Variants in ARHGAP31 observed in about 807,000 individuals in gnomAD.
ARHGAP31 encodes rho GTPase-activating protein 31.
In ARHGAP31, 34 loss-of-function variants were observed where a neutral mutation model predicts 113.9. That is an observed-to-expected ratio of 0.30 (90% CI 0.23 to 0.40). The LOEUF is 0.40. Ranked by LOEUF, ARHGAP31 falls within the 10% of genes least tolerant of loss-of-function variation. The pLI, the probability that ARHGAP31 is intolerant of heterozygous loss-of-function variation, is 1.00. For synonymous variants in ARHGAP31, 650 were observed against 684.8 expected, an observed-to-expected ratio of 0.95 and a Z score of 0.79; for missense variants, 1,548 against 1,767.1, an observed-to-expected ratio of 0.88 and a Z score of 2.22.
chr3:119,305,532 G>A (rs7623525), intron 1 of ARHGAP31, among the ~76,000 whole-genome samples: 46,031 of 151,968 alleles, frequency 0.3, 7,957 homozygotes, highest in African/African-American at 0.47. Context: ...GCATATTTTT[G>A]TTCCTCTTTC....
chr3:119,306,608 C>T (rs936441823), intron 1 of ARHGAP31, among the ~76,000 whole-genome samples: 7 of 152,078 alleles, frequency 4.6e-5, no homozygotes, highest in African/African-American at 9.7e-5. Flanking sequence ...ATGTCTGGGT[C>T]GATGGAGAAC....
In ARHGAP31 at chr3:119,337,353, C is replaced by T. The variant is rs78045014; in HGVS notation, c.101-27963C>T. Among the ~76,000 whole-genome samples, 725 of 152,160 alleles carry T rather than the reference C, an allele frequency of 4.8e-3. 9 individuals are homozygous for T. Among genetic ancestry groups the T allele is most frequent in the African/African-American group, 0.016 (661 of 41,526 alleles). ...CGCGTCCAGAGTTGTTCTTTCCTCC[C>T]GGTGGCTTCATGCTCTCGCTGACTT... On this transcript the variant is annotated intron_variant, in intron 1 of 11. Transcript: ENST00000264245.
At chr3:119,315,464 A>T (rs2079721229) in intron 1 of ARHGAP31, among the ~76,000 whole-genome samples, 1 of 152,248 alleles carries the variant, frequency 6.6e-6, no homozygotes, top group East Asian at 1.9e-4. Flanking sequence ...GCAGCAGAGC[A>T]CGATGATCAC....
intron 10 of ARHGAP31, 104 bp downstream of exon 10, chr3:119,402,501 G>T: frequency 7.8e-7 from 1 of 1,274,950 alleles, no homozygotes; most frequent in Non-Finnish European, 1.1e-6. Flanking sequence ...AAGCCTGTGG[G>T]CTCTAGAGCC....
intron 10 of ARHGAP31, 69 bp downstream of exon 10, chr3:119,402,466 T>C: frequency 6.6e-7 from 1 of 1,524,078 alleles, no homozygotes; most frequent in Non-Finnish European, 9.0e-7. Flanking sequence ...TGCTTGAGTT[T>C]GCAAGGCAAT....
intron 1 of ARHGAP31, among the ~76,000 whole-genome samples, chr3:119,325,669 G>T (rs551155783): frequency 8.6e-5 from 13 of 151,956 alleles, no homozygotes; most frequent in African/African-American, 2.4e-4. Context: ...GGGGGGGAAG[G>T]GGGGGACGGA....
chr3:119,325,185 T>C (rs765760513), intron 1 of ARHGAP31, among the ~76,000 whole-genome samples: 8 of 152,240 alleles, frequency 5.3e-5, no homozygotes, highest in Non-Finnish European at 1.2e-4. Context: ...ATACTACACA[T>C]GCATATTCAT....
At chr3:119,372,899 A>T (rs2080314191) in intron 3 of ARHGAP31, among the ~76,000 whole-genome samples, 1 of 152,228 alleles carries the variant, frequency 6.6e-6, no homozygotes, top group South Asian at 2.1e-4. Context: ...TTGAAAGTAG[A>T]GTTAACAACA....
intron 1 of ARHGAP31, among the ~76,000 whole-genome samples, chr3:119,321,788 A>G (rs961062451): frequency 2.6e-5 from 4 of 152,154 alleles, no homozygotes; most frequent in Admixed American, 6.5e-5. Flanking sequence ...AGCTGGAACT[A>G]TAGGCCCACA....
At chr3:119,411,066 G>A (rs942860088) in intron 11 of ARHGAP31, among the ~76,000 whole-genome samples, 3 of 152,204 alleles carry the variant, frequency 2.0e-5, no homozygotes, top group African/African-American at 7.2e-5. Context: ...AATAAGATGT[G>A]CCATGAATCC....
intron 1 of ARHGAP31, among the ~76,000 whole-genome samples, chr3:119,330,714 A>G (rs951828501): frequency 3.3e-5 from 5 of 152,200 alleles, no homozygotes; most frequent in Non-Finnish European, 7.3e-5. Context: ...AGAGCCTTCT[A>G]TGGTTCTGTG....
intron 1 of ARHGAP31, among the ~76,000 whole-genome samples, chr3:119,350,228 A>T (rs1377155758): frequency 6.6e-6 from 1 of 152,134 alleles, no homozygotes; most frequent in Non-Finnish European, 1.5e-5. Context: ...TAACAACAGG[A>T]AGCGCTGGGA....
At chr3:119,326,847 C>G (rs1394419560) in intron 1 of ARHGAP31, among the ~76,000 whole-genome samples, 1 of 152,134 alleles carries the variant, frequency 6.6e-6, no homozygotes, top group Admixed American at 6.5e-5. Context: ...TGGCTTAAAG[C>G]TCAATTTCTG....
In ARHGAP31 at chr3:119,402,042, A is replaced by G; in HGVS notation, c.1290A>G (p.Glu430=). 1.2e-6 allele frequency: 2 copies of G among 1,614,204 alleles called. No homozygotes were observed. Among genetic ancestry groups the G allele is most frequent in the Non-Finnish European group, 1.7e-6 (2 of 1,180,034 alleles). The part of the protein sequence containing the change: ...LQGAQARPPP[E]QLKVFRPVED... Reference sequence around the variant, plus strand: ...GCGCTCAGGCCCGGCCCCCACCGGAACAGCTGAAGGTTTTCCGGCCTGTTG... The same window carrying G: ...GCGCTCAGGCCCGGCCCCCACCGGAGCAGCTGAAGGTTTTCCGGCCTGTTG... Residue 430 remains glutamate, a synonymous_variant, in exon 10 of 12, where the codon GAA becomes GAG. Transcript: ENST00000264245.
chr3:119,303,661 A>G (rs1261015753), intron 1 of ARHGAP31, among the ~76,000 whole-genome samples: 1 of 152,194 alleles, frequency 6.6e-6, no homozygotes, highest in Admixed American at 6.5e-5. Flanking sequence ...CATAGACACT[A>G]GAAAACAGCT....
chr3:119,345,990 T>G (rs1431686054), intron 1 of ARHGAP31, among the ~76,000 whole-genome samples: 2 of 152,200 alleles, frequency 1.3e-5, no homozygotes, highest in Non-Finnish European at 2.9e-5. Context: ...TTAGAATCCG[T>G]CACATCTCCT....
chr3:119,411,977 T>C (rs1233865061), intron 11 of ARHGAP31, among the ~76,000 whole-genome samples: 1 of 152,128 alleles, frequency 6.6e-6, no homozygotes, highest in Non-Finnish European at 1.5e-5. Flanking sequence ...TAGAGCTAGG[T>C]GAGAAGGGAC....
intron 8 of ARHGAP31, among the ~76,000 whole-genome samples, chr3:119,395,314 T>G (rs1370101508): frequency 6.6e-6 from 1 of 152,178 alleles, no homozygotes; most frequent in African/African-American, 2.4e-5. Flanking sequence ...TAATGGCAAA[T>G]CAATTCAATC....
chr3:119,328,131 A>G (rs2079861621), intron 1 of ARHGAP31, among the ~76,000 whole-genome samples: 2 of 152,240 alleles, frequency 1.3e-5, no homozygotes, highest in South Asian at 4.1e-4. Flanking sequence ...AAACCTCATA[A>G]AGCTACCAAT....
Sources: gnomAD v4.1 joint callset for allele counts (sites outside exome capture counted in the v4.1 genomes callset) on GRCh38, gnomAD v4.1.1 for gene constraint, MANE v1.5 for transcripts, NCBI Gene and HGNC (gene_info 2026-07-23, HGNC 2026-07-21) for gene names.